The following CLTCL1 variants were observed in gnomAD, a reference collection of about 807,000 sequenced individuals.
CLTCL1 encodes the protein clathrin heavy chain like 1.
CLTCL1 carries 159 observed loss-of-function variants against 190.0 expected under a neutral mutation model. The ratio of observed to expected loss-of-function variants is 0.84; its 90% CI spans 0.74 to 0.95. CLTCL1 has a LOEUF of 0.95. Among genes scored for constraint, CLTCL1 ranks in the 40% least tolerant of loss-of-function variants. The probability of loss-of-function intolerance (pLI) is 0.00; values close to 1 mark genes in which losing one functional copy is unlikely to be tolerated. For synonymous variants in CLTCL1, 752 were observed against 769.6 expected (o/e 0.98, Z 0.38); for missense variants, 1,878 against 2,033.4 (o/e 0.92, Z 1.47).
chr22:19,273,529 C>G (rs562499464), intron 2 of CLTCL1, among the ~76,000 whole-genome samples: 1 of 152,124 alleles, frequency 6.6e-6, no homozygotes, highest in Non-Finnish European at 1.5e-5. Context: ...ACACCAGCCT[C>G]AGGCAAGGGC....
In CLTCL1 at chr22:19,266,552, A is replaced by C. The variant is rs1232126525; in HGVS notation, c.250+9071T>G. 3.3e-5 allele frequency among the ~76,000 whole-genome samples: 5 copies of C among 152,342 alleles called. No individual in the cohort carries two copies. The South Asian group carries it at 1.0e-3, about 32-fold the overall frequency. ...GATTCTTTCAGAATATAGAGGAAGA[A>C]GGACCTCATTCTCTAAGGCCAACAT... On this transcript the variant is annotated intron_variant, in intron 2 of 32. Coordinates refer to ENST00000427926, the MANE Select transcript of CLTCL1 (RefSeq NM_007098.4).
intron 10 of CLTCL1, among the ~76,000 whole-genome samples, chr22:19,231,366 G>A (rs1555959044): frequency 6.6e-6 from 1 of 152,154 alleles, no homozygotes; most frequent in African/African-American, 2.4e-5. Flanking sequence ...TGGGACCACA[G>A]GTGTGCACCA....
At chr22:19,220,925 G>T (rs2085548578) in intron 17 of CLTCL1, among the ~76,000 whole-genome samples, 1 of 152,166 alleles carries the variant, frequency 6.6e-6, no homozygotes, top group Admixed American at 6.5e-5. Flanking sequence ...CAGGTGATGG[G>T]GAAGGGCTTG....
chr22:19,202,181 G>GCTCCTGGCATTCACTCTTGACT (rs1221264821), intron 22 of CLTCL1, among the ~76,000 whole-genome samples: 1 of 152,040 alleles, frequency 6.6e-6, no homozygotes, highest in Non-Finnish European at 1.5e-5. Context: ...ATGCTGGACA[G>GCTCCTGGCATTCACTCTTGACT]CTCCTGGCAT....
intron 5 of CLTCL1, among the ~76,000 whole-genome samples, chr22:19,237,634 C>T (rs1307809438): frequency 3.3e-5 from 5 of 152,164 alleles, no homozygotes; most frequent in Non-Finnish European, 5.9e-5. Flanking sequence ...AATGTAAATA[C>T]CAATCAACAG....
chr22:19,189,704 T>G (rs1398822868), intron 27 of CLTCL1, among the ~76,000 whole-genome samples: 1 of 152,244 alleles, frequency 6.6e-6, no homozygotes, highest in Non-Finnish European at 1.5e-5. Context: ...GGAATCCACT[T>G]CTTCCAAATT....
intron 1 of CLTCL1, among the ~76,000 whole-genome samples, chr22:19,287,439 AGC>A (rs1234134603): frequency 6.6e-6 from 1 of 152,142 alleles, no homozygotes; most frequent in African/African-American, 2.4e-5. Flanking sequence ...ACACAAAGGG[AGC>A]GGCAGCAGAG....
In CLTCL1 at chr22:19,186,158, AG is replaced by A. The variant is rs36104124; in HGVS notation, c.4605+1399del. Among the ~76,000 whole-genome samples the A allele has an allele frequency of 9.4e-3, 1,435 of 152,314 alleles. 33 individuals carry two copies. The highest frequency in any genetic ancestry group is 0.068 in the East Asian group (354 of 5,184). On this transcript the variant is annotated intron_variant, in intron 29 of 32. Transcript: ENST00000427926. ...TGAGAATGAGGCCCCTGTGCGGGAC[AG>A]GAAGTGGCAAGTATCCATGTGTCCT...
At chr22:19,269,038 C>T (rs1359805344) in intron 2 of CLTCL1, among the ~76,000 whole-genome samples, 7 of 149,286 alleles carry the variant, frequency 4.7e-5, no homozygotes, top group Non-Finnish European at 5.9e-5. Flanking sequence ...TGCAGTGAGC[C>T]GCGATAGCGC....
chr22:19,210,571 G>A, intron 19 of CLTCL1, 62 bp from the exon 20 acceptor site: 2 of 1,475,552 alleles, frequency 1.4e-6, no homozygotes, highest in South Asian at 1.2e-5. Context: ...ACCATTTTTT[G>A]GCAGGTCAGG....
rs1332737193 is a variant in CLTCL1, at chr22:19,290,845, G to T, written c.42+755C>A. On this transcript the variant is annotated intron_variant, in intron 1 of 32. Coordinates refer to ENST00000427926, the MANE Select transcript of CLTCL1 (RefSeq NM_007098.4). ...TCATCTAGAAAAGAGTAAGCGAATC[G>T]CAACGAATGGTAGTGTGATGATTTA... 2.0e-5 allele frequency among the ~76,000 whole-genome samples: 3 copies of T among 152,142 alleles called. No individual in the cohort carries two copies. In the East Asian group the frequency reaches 5.8e-4, roughly 29 times the overall value.
At chr22:19,225,040 A>G (rs1276607896) in intron 13 of CLTCL1, among the ~76,000 whole-genome samples, 3 of 152,212 alleles carry the variant, frequency 2.0e-5, no homozygotes, top group African/African-American at 4.8e-5. Flanking sequence ...AGCAGACACC[A>G]CAAAGCAATG....
At chr22:19,250,330 CTT>C (rs35580449) in intron 3 of CLTCL1, among the ~76,000 whole-genome samples, 55 of 125,858 alleles carry the variant, frequency 4.4e-4, no homozygotes, top group East Asian at 4.7e-4. Context: ...CTCATCTGTT[CTT>C]TTTTTTTTTT....
intron 3 of CLTCL1, among the ~76,000 whole-genome samples, chr22:19,249,321 T>C (rs1228127317): frequency 1.3e-5 from 2 of 151,808 alleles, no homozygotes; most frequent in Non-Finnish European, 2.9e-5. Context: ...ATTGTGCCAC[T>C]GCACTCCAGC....
chr22:19,224,820 C>T (rs530817528), intron 13 of CLTCL1, among the ~76,000 whole-genome samples: 37 of 152,344 alleles, frequency 2.4e-4, no homozygotes, highest in South Asian at 2.1e-3. Context: ...CACCCTCCAC[C>T]GATGCCCCAA....
intron 3 of CLTCL1, among the ~76,000 whole-genome samples, chr22:19,243,816 G>C (rs1234039723): frequency 4.7e-5 from 7 of 149,018 alleles, no homozygotes; most frequent in South Asian, 4.3e-4. Context: ...TCCTGCCTCA[G>C]CCTCCTGAGT....
intron 1 of CLTCL1, among the ~76,000 whole-genome samples, chr22:19,279,426 C>T (rs1356058981): frequency 6.6e-6 from 1 of 152,172 alleles, no homozygotes; most frequent in Non-Finnish European, 1.5e-5. Context: ...TATTTATTAA[C>T]AAAACAGAGG....
intron 1 of CLTCL1, among the ~76,000 whole-genome samples, chr22:19,285,514 C>G (rs1338481991): frequency 6.6e-6 from 1 of 152,186 alleles, no homozygotes; most frequent in African/African-American, 2.4e-5. Flanking sequence ...GCACAAGACT[C>G]TATATTTATC....
chr22:19,196,399 T>C lies in CLTCL1; in HGVS notation c.4058A>G (p.Glu1353Gly). 1 of 1,614,040 alleles carries C rather than the reference T, an allele frequency of 6.2e-7. No individual in the cohort carries two copies. Among genetic ancestry groups the C allele is most frequent in the Non-Finnish European group, 8.5e-7 (1 of 1,179,896 alleles). The change falls in exon 26 of 33, where the codon GAG becomes GGG. Residue 1353 changes from glutamate to glycine, a missense_variant. By Grantham distance (98) the Glu-to-Gly change is moderately conservative. Coordinates refer to ENST00000427926, the MANE Select transcript of CLTCL1 (RefSeq NM_007098.4). ...VNIPKVLRAA[E>G]QAHLWAELVF... ...CAGCTCAGCCCACAGGTGTGCCTGC[T>C]CTGCAGCCCTCAGCACCTGGACAAG...
Sources: gnomAD v4.1 joint callset for allele counts (sites outside exome capture counted in the v4.1 genomes callset) on GRCh38, gnomAD v4.1.1 for gene constraint, MANE v1.5 for transcripts, NCBI Gene and HGNC (gene_info 2026-07-23, HGNC 2026-07-21) for gene names.